The following ADCY7 variants were observed in gnomAD, a reference collection of about 807,000 sequenced individuals.
The protein encoded by ADCY7 is adenylate cyclase type 7.
In ADCY7, 72 loss-of-function variants were observed where a neutral mutation model predicts 120.6. The observed-to-expected ratio is 0.60, with a 90% CI of 0.49 to 0.73. The LOEUF (loss-of-function observed/expected upper bound fraction) is 0.73, where lower values mean the gene tolerates loss of function less well. Among genes scored for constraint, ADCY7 ranks in the 30% least tolerant of loss-of-function variants. The pLI is 0.00. For synonymous variants in ADCY7, 661 were observed against 628.0 expected, an observed-to-expected ratio of 1.05 and a Z score of -0.78; for missense variants, 1,227 against 1,486.0, an observed-to-expected ratio of 0.83 and a Z score of 2.87.
chr16:50,303,123 A>T (rs1013532579), intron 10 of ADCY7, among the ~76,000 whole-genome samples: 1 of 152,166 alleles, frequency 6.6e-6, no homozygotes, highest in Non-Finnish European at 1.5e-5. Flanking sequence ...GCTAAGTGCC[A>T]GTGACCTTGA....
intron 17 of ADCY7, 87 bp from the exon 18 acceptor site, chr16:50,309,461 C>A: frequency 2.7e-6 from 3 of 1,095,748 alleles, no homozygotes; most frequent in South Asian, 2.8e-5. Context: ...CTGTGATACT[C>A]ATGGTTGCCT....
chr16:50,252,579 G>A (rs1260021919), intron 1 of ADCY7, among the ~76,000 whole-genome samples: 1 of 152,218 alleles, frequency 6.6e-6, no homozygotes, highest in Admixed American at 6.5e-5. Context: ...GACAGGCTCA[G>A]TGACGATGGC....
chr16:50,271,098 CCCTGGAAG>C (rs796078069), intron 1 of ADCY7, among the ~76,000 whole-genome samples: 4 of 152,346 alleles, frequency 2.6e-5, no homozygotes, highest in African/African-American at 9.6e-5. Context: ...CCCTGCTCTC[CCCTGGAAG>C]CCTGGAAGCC....
At chr16:50,309,708 G>A (rs889035666) in intron 18 of ADCY7, 62 bp downstream of exon 18, 42 of 1,455,072 alleles carry the variant, frequency 2.9e-5, no homozygotes, top group Non-Finnish European at 3.6e-5. Context: ...TGCCAGAGGT[G>A]TAGTTTGGAC....
rs1567554894 is a variant in ADCY7 at position 50,291,793 on chromosome 16, CG to C, written c.437del (p.Gly146AlafsTer20). The C allele has an allele frequency of 6.8e-6, 11 of 1,614,110 alleles. No individual in the cohort carries two copies. Among genetic ancestry groups the C allele is most frequent in the Non-Finnish European group, 9.3e-6 (11 of 1,179,992 alleles). ...VVYTLLPFSM[R>X]GAVAVGAVST... ...GTACACACTACTGCCCTTCAGCATG[CG>C]GGGCGCTGTCGCCGTTGGGGCCGTC... On this transcript the variant is annotated frameshift_variant, in exon 4 of 26. Transcript: ENST00000673801. LOFTEE classifies it high-confidence loss of function.
At chr16:50,308,198 G>A in intron 15 of ADCY7, 129 bp from the exon 16 acceptor site, 1 of 1,527,468 alleles carries the variant, frequency 6.5e-7, no homozygotes, top group South Asian at 1.1e-5. Flanking sequence ...AGTTTTCACA[G>A]GTCCCCTTTG....
intron 24 of ADCY7, 65 bp from the exon 25 acceptor site, chr16:50,314,949 T>G: frequency 1.9e-6 from 3 of 1,591,262 alleles, no homozygotes; most frequent in Non-Finnish European, 1.7e-6. Flanking sequence ...TTCTCTGGCC[T>G]CCTCTAAGGG....
chr16:50,313,410 C>CT (rs2036593718), intron 22 of ADCY7: 3 of 185,848 alleles, frequency 1.6e-5, no homozygotes, highest in Admixed American at 5.6e-5. Flanking sequence ...GTACACAACT[C>CT]TGTCTCAAAC....
chr16:50,305,903 G>A (rs1345727864), intron 14 of ADCY7, 54 bp downstream of exon 14: 6 of 1,569,812 alleles, frequency 3.8e-6, no homozygotes, highest in Non-Finnish European at 5.3e-6. Context: ...CAGGCCTGGG[G>A]TAGGGTGGGG....
chr16:50,292,918 G>C, intron 5 of ADCY7, 93 bp downstream of exon 5: 2 of 1,497,890 alleles, frequency 1.3e-6, no homozygotes, highest in Non-Finnish European at 1.8e-6. Flanking sequence ...TGTGCATGAG[G>C]TGCATGGCCA....
Position 50,317,501 on chromosome 16 carries a change from G to GTT in ADCY7, c.*2002_*2003dup, listed in dbSNP as rs1167693647. The GTT allele has an allele frequency of 1.3e-5, 2 of 152,266 alleles. No homozygotes were observed. Among genetic ancestry groups the GTT allele is most frequent in the African/African-American group, 4.8e-5 (2 of 41,432 alleles). 9.4% of individuals were successfully genotyped at this position (152,266 alleles called of 1,614,324 possible). On this transcript the variant is annotated 3_prime_UTR_variant, in exon 26 of 26. Coordinates refer to ENST00000673801, the MANE Select transcript of ADCY7 (RefSeq NM_001114.5). ...GCATATTTGTACTCTTGGAATATTT[G>GTT]TTTTTTTCTTCAGTAACAACAGAAA... is the stretch of plus-strand genomic sequence containing the variant.
chr16:50,316,620 C>A lies in ADCY7; in HGVS notation c.*1115C>A, dbSNP rs1413828350. On this transcript the variant is annotated 3_prime_UTR_variant, in exon 26 of 26. Transcript: ENST00000673801. ...GGCTCCTGGATCTGGGAAGCCCGCCCCCTCACAAATGCTGAGCCGTTCTTG... is the reference window on the plus strand; with the variant it reads ...GGCTCCTGGATCTGGGAAGCCCGCCACCTCACAAATGCTGAGCCGTTCTTG... 1 of 152,364 alleles carries A rather than the reference C, an allele frequency of 6.6e-6. No individual in the cohort carries two copies. Among genetic ancestry groups the A allele is most frequent in the Admixed American group, 6.5e-5 (1 of 15,278 alleles). The allele number at this position is 152,364 out of a possible 1,614,324, so 9.4% of individuals were successfully genotyped here. A position where few individuals can be genotyped will look rare whatever the true frequency, so the allele number is the denominator to read the frequency against.
At chr16:50,308,891 T>C in intron 17 of ADCY7, 99 bp downstream of exon 17, 1 of 1,430,166 alleles carries the variant, frequency 7.0e-7, no homozygotes, top group Non-Finnish European at 9.3e-7. Context: ...CTGGTTGTCC[T>C]CTCCCCCGAG....
At chr16:50,281,013 G>A (rs550705978) in intron 1 of ADCY7, among the ~76,000 whole-genome samples, 14 of 152,260 alleles carry the variant, frequency 9.2e-5, no homozygotes, top group South Asian at 6.2e-4. Context: ...GGCTCATGCC[G>A]TTGGGGAATT....
chr16:50,288,305 C>G lies in ADCY7; in HGVS notation c.126C>G (p.Ala42=), dbSNP rs144769944. The part of the protein sequence containing the change: ...GPLLLTLLLV[A]ATACVALIII... The stretch of plus-strand genomic sequence containing the variant: ...TGCTGCTCACGCTCCTGCTGGTGGC[C>G]GCCACTGCCTGCGTGGCCCTCATCA... Residue 42 remains alanine, a synonymous_variant, in exon 2 of 26, where the codon GCC becomes GCG. Coordinates refer to ENST00000673801, the MANE Select transcript of ADCY7 (RefSeq NM_001114.5). 1 of 1,550,750 alleles carries G rather than the reference C, an allele frequency of 6.4e-7. No individual in the cohort carries two copies. The highest frequency in any genetic ancestry group is 8.7e-7 in the Non-Finnish European group (1 of 1,146,794).
At chr16:50,271,154 G>T (rs1345988271) in intron 1 of ADCY7, among the ~76,000 whole-genome samples, 2 of 152,204 alleles carry the variant, frequency 1.3e-5, no homozygotes, top group Admixed American at 1.3e-4. Context: ...GAGAAGGGTT[G>T]GGTGGTGAGT....
intron 1 of ADCY7, among the ~76,000 whole-genome samples, chr16:50,278,340 C>T (rs958080264): frequency 5.3e-5 from 8 of 152,180 alleles, no homozygotes; most frequent in African/African-American, 1.7e-4. Flanking sequence ...CATGCCTGGC[C>T]CTTCCAAATG....
chr16:50,313,867 G>C, intron 22 of ADCY7, 91 bp from the exon 23 acceptor site: 1 of 1,031,220 alleles, frequency 9.7e-7, no homozygotes, highest in Non-Finnish European at 1.5e-6. Context: ...GCGATGGGTG[G>C]AGGGAACCCC....
intron 18 of ADCY7, chr16:50,310,408 T>C (rs1253346246): frequency 1.3e-6 from 2 of 1,512,046 alleles, no homozygotes; most frequent in African/African-American, 1.4e-5. Context: ...CTTGGATGCA[T>C]GCACGCTCCG....
Sources: allele counts gnomAD v4.1 joint callset (sites outside exome capture counted in the v4.1 genomes callset), GRCh38; gene constraint gnomAD v4.1.1; transcripts MANE v1.5; gene names NCBI Gene and HGNC (gene_info 2026-07-23, HGNC 2026-07-21).